TTC34: variants seen among roughly 807,000 people sequenced by gnomAD.
TTC34 encodes the protein tetratricopeptide repeat domain 34, also known as tetratricopeptide repeat protein 34.
A neutral mutation model predicts 40.7 loss-of-function variants in TTC34; 44 were observed. The observed-to-expected ratio is 1.08, with a 90% confidence interval of 0.85 to 1.39. The LOEUF (loss-of-function observed/expected upper bound fraction) is 1.39, where lower values mean the gene tolerates loss of function less well. TTC34 is among the 40% of genes most tolerant of loss of function. The pLI is 0.00. For missense variants in TTC34, 884 were observed against 838.0 expected (o/e 1.05, Z -0.68); for synonymous variants, 422 against 398.6 (o/e 1.06, Z -0.70).
intron 3 of TTC34, 83 bp from the exon 4 acceptor site, chr1:2,787,789 C>T (rs975367522): frequency 3.6e-5 from 43 of 1,208,460 alleles, no homozygotes; most frequent in East Asian, 1.8e-4. Context: ...GGGGAAATCC[C>T]GTCTCCATGT....
intron 2 of TTC34, among the ~76,000 whole-genome samples, chr1:2,795,463 C>T (rs1643702432): frequency 6.6e-6 from 1 of 152,184 alleles, no homozygotes. Flanking sequence ...TGTGTGTTCT[C>T]TCACTGGTCA....
At chr1:2,686,511 G>A (rs1481077141) in intron 6 of TTC34, among the ~76,000 whole-genome samples, 1 of 92,168 alleles carries the variant, frequency 1.1e-5, no homozygotes, top group Non-Finnish European at 2.0e-5. Context: ...GCCTCGAACA[G>A]CACCCTGCAC....
chr1:2,752,415 A>G, intron 6 of TTC34, among the ~76,000 whole-genome samples: 1 of 144,538 alleles, frequency 6.9e-6, no homozygotes. Flanking sequence ...CCACACACCC[A>G]GGTGAGCATC....
intron 6 of TTC34, among the ~76,000 whole-genome samples, chr1:2,771,755 C>T (rs1429478696): frequency 4.6e-5 from 6 of 129,516 alleles, no homozygotes; most frequent in Non-Finnish European, 8.0e-5. Flanking sequence ...CCCGGAGCAG[C>T]GTCCACACCC....
chr1:2,657,465 A>T (rs1273481024), intron 6 of TTC34, among the ~76,000 whole-genome samples: 1 of 91,126 alleles, frequency 1.1e-5, no homozygotes, highest in African/African-American at 3.4e-5. Flanking sequence ...CCACGCCCCC[A>T]GGCGAGCATC....
intron 6 of TTC34, among the ~76,000 whole-genome samples, chr1:2,650,451 G>GCATT (rs1553150260): frequency 1.3e-5 from 2 of 150,720 alleles, no homozygotes; most frequent in African/African-American, 4.9e-5. Flanking sequence ...GCCTGGAACA[G>GCATT]CATTCTCCAA....
At chr1:2,769,703 C>T (rs1641988994) in intron 6 of TTC34, among the ~76,000 whole-genome samples, 1 of 148,372 alleles carries the variant, frequency 6.7e-6, no homozygotes, top group African/African-American at 2.5e-5. Flanking sequence ...TCTGGAGCAG[C>T]ACCCACACCC....
At chr1:2,649,040 C>T (rs893324301) in intron 6 of TTC34, among the ~76,000 whole-genome samples, 1 of 150,280 alleles carries the variant, frequency 6.7e-6, no homozygotes, top group African/African-American at 2.5e-5. Context: ...GCACCACCCC[C>T]AACCAACAGG....
chr1:2,749,077 C>T (rs1387992077), intron 6 of TTC34, among the ~76,000 whole-genome samples: 10 of 120,850 alleles, frequency 8.3e-5, no homozygotes, highest in African/African-American at 1.3e-4. Flanking sequence ...GAGCAGCACC[C>T]ACAACCCCAG....
exon 9 of TTC34, chr1:2,641,832 A>G (rs1638913328): frequency 3.3e-6 from 5 of 1,530,096 alleles, no homozygotes; most frequent in South Asian, 1.2e-5. Context: ...GACAGCGAAC[A>G]GTAGCCCAGC....
At chr1:2,760,040 A>AC in intron 6 of TTC34, among the ~76,000 whole-genome samples, 1 of 84,132 alleles carries the variant, frequency 1.2e-5, no homozygotes, top group Non-Finnish European at 2.2e-5. Context: ...CAGCGCCCAC[A>AC]CACCCAAGTG....
intron 6 of TTC34, among the ~76,000 whole-genome samples, chr1:2,759,960 A>AC (rs1641641263): frequency 7.4e-6 from 1 of 135,286 alleles, no homozygotes; most frequent in African/African-American, 3.0e-5. Context: ...AGGCACCCAC[A>AC]CCACCAGGTG....
Position 2,783,522 on chromosome 1 carries a change from C to G in TTC34, c.2226+87G>C. The G allele has an allele frequency of 1.1e-5, 14 of 1,268,834 alleles. 1 individual carries two copies. In the South Asian group the frequency reaches 2.9e-4, roughly 26 times the overall value. The allele number at this position is 1,268,834 out of a possible 1,614,324, so 78.6% of individuals were successfully genotyped here. Reference sequence around the variant, plus strand: ...TCACTGCTCAGGATGGCCTACCCGGCTCCCTCTCTCCTTGGGGTGGAGGAA... The same window carrying G: ...TCACTGCTCAGGATGGCCTACCCGGGTCCCTCTCTCCTTGGGGTGGAGGAA... On this transcript the variant is annotated intron_variant, in intron 6 of 8. Transcript: ENST00000401095.
chr1:2,645,409 G>A lies in TTC34; in HGVS notation c.2381C>T (p.Ala794Val), dbSNP rs1639000092. 3 of 1,535,798 alleles carry A rather than the reference G, an allele frequency of 2.0e-6. No individual in the cohort carries two copies. Among genetic ancestry groups the A allele is most frequent in the East Asian group, 4.9e-5 (2 of 40,900 alleles). ...CTGGGTGTCCTTGTCCTCGAGAGGG[G>A]CCCCAGTGTCTGGCAGCTGGCTCAG... is the stretch of plus-strand genomic sequence containing the variant. The change falls in exon 7 of 9, where the codon GCC becomes GTC. Residue 794 changes from alanine to valine, a missense_variant. Coordinates refer to ENST00000401095, the Ensembl canonical transcript of TTC34. This position sits in a 1 kb window ranked among gnomAD's most constrained non-coding sequence, Gnocchi z 4.7.
chr1:2,697,274 GCA>G (rs1557628643), intron 6 of TTC34, among the ~76,000 whole-genome samples: 1 of 53,936 alleles, frequency 1.9e-5, no homozygotes, highest in African/African-American at 6.6e-5. Flanking sequence ...CCCTGGAACA[GCA>G]CACACACCCC....
chr1:2,648,301 G>A (rs895587386), intron 6 of TTC34, among the ~76,000 whole-genome samples: 1 of 152,150 alleles, frequency 6.6e-6, no homozygotes, highest in Admixed American at 6.5e-5. Flanking sequence ...ACTCTGGGGG[G>A]CAGGTAGATT....
intron 6 of TTC34, among the ~76,000 whole-genome samples, chr1:2,685,787 C>G (rs1266824157): frequency 0.16 from 8,181 of 52,326 alleles, 1 homozygote; most frequent in East Asian, 0.22. Context: ...CAGCCTGGAA[C>G]AGAACCCACA....
chr1:2,751,567 C>A lies in TTC34; in HGVS notation c.2226+32042G>T, dbSNP rs1482355619. 8.0e-5 allele frequency among the ~76,000 whole-genome samples: 9 copies of A among 111,900 alleles called. 1 individual carries two copies. The highest frequency in any genetic ancestry group is 7.1e-5 in the Non-Finnish European group (4 of 56,328). 73.4% of individuals were successfully genotyped at this position (111,900 alleles called of 152,430 possible). ...CTGACAGCCTGCAACAGCACGCACA[C>A]CCCCAGGTGCGCACGTGACAGCCTG... On this transcript the variant is annotated intron_variant, in intron 6 of 8. Coordinates refer to ENST00000401095, the Ensembl canonical transcript of TTC34.
chr1:2,798,576 C>T (rs1259526357), intron 2 of TTC34, among the ~76,000 whole-genome samples: 11 of 96,388 alleles, frequency 1.1e-4, no homozygotes, highest in Non-Finnish European at 1.9e-4. Context: ...CCTCCCAGCC[C>T]CTCAGCTCCC....
Sources: allele counts gnomAD v4.1 joint callset (sites outside exome capture counted in the v4.1 genomes callset), GRCh38; gene constraint gnomAD v4.1.1; non-coding constraint Gnocchi (gnomAD v3.1); transcripts MANE v1.5; gene names NCBI Gene and HGNC (gene_info 2026-07-23, HGNC 2026-07-21).